KCNK7: variants seen among roughly 807,000 people sequenced by gnomAD.
KCNK7 encodes potassium two pore domain channel subfamily K member 7.
In KCNK7, 14 loss-of-function variants were observed where a neutral mutation model predicts 18.1. The ratio of observed to expected loss-of-function variants is 0.77; its 90% CI spans 0.51 to 1.21. The LOEUF is 1.21. Ranked by LOEUF, KCNK7 falls within the 50% of genes most tolerant of loss-of-function variation. The probability of loss-of-function intolerance (pLI) is 0.00; values close to 1 mark genes in which losing one functional copy is unlikely to be tolerated. For synonymous variants in KCNK7, 188 were observed against 184.7 expected (o/e 1.02, Z -0.15); for missense variants, 385 against 387.3 (o/e 0.99, Z 0.05).
intron 1 of KCNK7, among the ~76,000 whole-genome samples, chr11:65,594,737 G>A (rs757378814): frequency 5.3e-5 from 8 of 152,168 alleles, no homozygotes; most frequent in Non-Finnish European, 8.8e-5. Flanking sequence ...GGGCATGGTG[G>A]TGCATGCCTG....
chr11:65,593,609 G>A lies in KCNK7; in HGVS notation c.585C>T (p.Gly195=), dbSNP rs374293577. Residue 195 remains glycine, a synonymous_variant, in exon 2 of 3, where the codon GGC becomes GGT. Transcript: ENST00000340313. ...LPALVLWGLQ[G]DCSLLGAVYF... ...AGACGGCCCCCAGCAGGCTGCAGTC[G>A]CCCTGAAGGCCCCACAGCACCAGCG... The A allele has an allele frequency of 2.0e-4, 320 of 1,604,910 alleles. No individual in the cohort carries two copies. The highest frequency in any genetic ancestry group is 2.6e-4 in the Non-Finnish European group (310 of 1,179,702).
In KCNK7 at chr11:65,593,427, A is replaced by G. The variant is rs756452029; in HGVS notation, c.718+49T>C. 7 of 1,613,752 alleles carry G rather than the reference A, an allele frequency of 4.3e-6. No individual in the cohort carries two copies. The Admixed American group carries it at 1.0e-4, about 23-fold the overall frequency. ...CAGTGATTTATGGGAGTCCTAGTCCAGGCTCCTCTTCCCCCTTCCCCCACA... is the reference window on the plus strand; with the variant it reads ...CAGTGATTTATGGGAGTCCTAGTCCGGGCTCCTCTTCCCCCTTCCCCCACA... On this transcript the variant is annotated intron_variant, in intron 2 of 2. Transcript: ENST00000340313.
Position 65,593,100 on chromosome 11 carries a change from C to A in KCNK7, c.829G>T (p.Ala277Ser), listed in dbSNP as rs376025958. 44 of 1,613,776 alleles carry A rather than the reference C, an allele frequency of 2.7e-5. No homozygotes were observed. Among genetic ancestry groups the A allele is most frequent in the Non-Finnish European group, 3.5e-5 (41 of 1,179,962 alleles). The change falls in exon 3 of 3, where the codon GCT becomes TCT. Residue 277 changes from alanine to serine, a missense_variant. Ala to Ser is a moderately conservative substitution (Grantham distance 99). Coordinates refer to ENST00000340313, the MANE Select transcript of KCNK7 (RefSeq NM_033347.2). The part of the protein sequence containing the change: ...KFFRPSGPVT[A>S]EDQGGILGQD... ...CCTAGGATGCCACCTTGGTCCTCAG[C>A]AGTCACAGGACCACTGGGTCTGAAG...
Position 65,595,576 on chromosome 11 carries a change from A to G in KCNK7, c.197T>C (p.Leu66Pro). 6.3e-7 allele frequency: 1 copy of G among 1,592,282 alleles called. No individual in the cohort carries two copies. The highest frequency in any genetic ancestry group is 8.6e-7 in the Non-Finnish European group (1 of 1,165,810). The change falls in exon 1 of 3, where the codon CTG becomes CCG. Residue 66 changes from leucine (L) to proline (P), a missense_variant. Physicochemically the swap from Leu to Pro is moderately conservative, Grantham distance 98 (BLOSUM62 -3). Coordinates refer to ENST00000340313, the MANE Select transcript of KCNK7 (RefSeq NM_033347.2). ...ACLPPGALEELLGTALATQAH... is the reference protein window; with the variant it reads ...ACLPPGALEEPLGTALATQAH... ...CTGGGTGGCCAGGGCAGTGCCCAGCAGCTCTTCCAGAGCTCCGGGTGGCAG... is the reference window on the plus strand; with the variant it reads ...CTGGGTGGCCAGGGCAGTGCCCAGCGGCTCTTCCAGAGCTCCGGGTGGCAG...
chr11:65,595,403 C>CCATG, intron 1 of KCNK7, 51 bp downstream of exon 1: 1 of 1,365,914 alleles, frequency 7.3e-7, no homozygotes, highest in Non-Finnish European at 9.6e-7. Flanking sequence ...CCCCAGGGAG[C>CCATG]CATGGCCTCT....
intron 2 of KCNK7, 96 bp downstream of exon 2, chr11:65,593,380 C>T (rs1179439315): frequency 1.2e-6 from 2 of 1,613,858 alleles, no homozygotes; most frequent in Middle Eastern, 1.6e-4. Context: ...TGAGGTCCCT[C>T]CACCTGCAAG....
Position 65,593,619 on chromosome 11 carries a change from C to G in KCNK7, c.575G>C (p.Gly192Ala). The change falls in exon 2 of 3, where the codon GGC becomes GCC. Residue 192 changes from glycine (G) to alanine (A), a missense_variant. Coordinates refer to ENST00000340313, the MANE Select transcript of KCNK7 (RefSeq NM_033347.2). ...CAGCAGGCTGCAGTCGCCCTGAAGG[C>G]CCCACAGCACCAGCGCTGGCAGCAG... Reference protein sequence around the residue: ...FVLLPALVLWGLQGDCSLLGA... With the variant: ...FVLLPALVLWALQGDCSLLGA... 1 of 1,604,946 alleles carries G rather than the reference C, an allele frequency of 6.2e-7. No homozygotes were observed. Among genetic ancestry groups the G allele is most frequent in the South Asian group, 1.1e-5 (1 of 91,040 alleles).
At position 65,593,786 on chromosome 11, in the gene KCNK7, G is replaced by C. The variant is rs1401889123; in HGVS notation, c.408C>G (p.Leu136=). ...GCAGGCAATGGCGCAGGGTGGCCAC[G>C]AGAGCTAAGGAGGCTGGCAGCCCCA... ...AALGLPASLA[L]VATLRHCLLP... Residue 136 remains leucine (L), a synonymous_variant, in exon 2 of 3, where the codon CTC becomes CTG. Coordinates refer to ENST00000340313, the MANE Select transcript of KCNK7 (RefSeq NM_033347.2). 6.2e-7 allele frequency: 1 copy of C among 1,607,844 alleles called. No individual in the cohort carries two copies. The highest frequency in any genetic ancestry group is 1.7e-5 in the Admixed American group (1 of 59,724).
rs373233713 is a variant in KCNK7 at position 65,595,548 on chromosome 11, G to C, written c.225C>G (p.Ala75=). The C allele has an allele frequency of 1.5e-4, 231 of 1,583,266 alleles. 1 individual carries two copies. In the Middle Eastern group the frequency reaches 3.5e-3, roughly 24 times the overall value. The change falls in exon 1 of 3, where the codon GCC becomes GCG. Residue 75 remains alanine, a synonymous_variant. Coordinates refer to ENST00000340313, the MANE Select transcript of KCNK7 (RefSeq NM_033347.2). ...ELLGTALATQ[A]HGVSTLGNSS... is the part of the protein sequence containing the mutation. ...TGTTGCCCAGGGTGGAGACCCCATGGGCCTGGGTGGCCAGGGCAGTGCCCA... is the reference window on the plus strand; with the variant it reads ...TGTTGCCCAGGGTGGAGACCCCATGCGCCTGGGTGGCCAGGGCAGTGCCCA...
chr11:65,595,111 T>C (rs956487491), intron 1 of KCNK7, among the ~76,000 whole-genome samples: 19 of 152,196 alleles, frequency 1.2e-4, no homozygotes, highest in Admixed American at 1.2e-3. Context: ...ATGGTCCTGA[T>C]CTGTCCTTCC....
rs146758154 is a variant in KCNK7, at chr11:65,594,261, C to T, written c.320-387G>A. On this transcript the variant is annotated intron_variant, in intron 1 of 2. Transcript: ENST00000340313. ...GGATCTGAATCAGCCCAGGCCCTGC[C>T]CCTTCTGGTGGGGGAGTCGGGCAGG... 6.7e-3 allele frequency among the ~76,000 whole-genome samples: 1,027 copies of T among 152,302 alleles called. 10 individuals are homozygous for T. The highest frequency in any genetic ancestry group is 0.014 in the Middle Eastern group (4 of 294).
At position 65,593,600 on chromosome 11, in the gene KCNK7, G is replaced by T; in HGVS notation, c.594C>A (p.Ser198Arg). The T allele has an allele frequency of 6.2e-7, 1 of 1,605,694 alleles. No individual in the cohort carries two copies. Among genetic ancestry groups the T allele is most frequent in the Non-Finnish European group, 8.5e-7 (1 of 1,179,834 alleles). The change falls in exon 2 of 3, where the codon AGC (serine) becomes AGA (arginine). Residue 198 changes from serine (S) to arginine (R), a missense_variant. Physicochemically the swap from Ser to Arg is moderately radical, Grantham distance 110 (BLOSUM62 -1). Coordinates refer to ENST00000340313, the MANE Select transcript of KCNK7 (RefSeq NM_033347.2). ...AGCAGAAGTAGACGGCCCCCAGCAG[G>T]CTGCAGTCGCCCTGAAGGCCCCACA... ...LVLWGLQGDC[S>R]LLGAVYFCFS...
chr11:65,593,258 C>T (rs764844882), intron 2 of KCNK7, 48 bp from the exon 3 acceptor site: 4 of 1,613,084 alleles, frequency 2.5e-6, no homozygotes, highest in East Asian at 4.5e-5. Context: ...TGGTGATGCT[C>T]CCCGCCCACC....
chr11:65,593,288 C>T, intron 2 of KCNK7, 78 bp from the exon 3 acceptor site: 1 of 1,613,512 alleles, frequency 6.2e-7, no homozygotes, highest in South Asian at 1.1e-5. Flanking sequence ...AGTGACTTGC[C>T]CTGGCAACTG....
chr11:65,593,940 A>C, intron 1 of KCNK7, 66 bp from the exon 2 acceptor site: 1 of 1,459,638 alleles, frequency 6.9e-7, no homozygotes, highest in Non-Finnish European at 9.0e-7. Flanking sequence ...GTCCCTGCCT[A>C]CCCCAATACT....
In KCNK7 at chr11:65,593,843, G is replaced by A. The variant is rs141055303; in HGVS notation, c.351C>T (p.Gly117=). 431 of 1,549,238 alleles carry A rather than the reference G, an allele frequency of 2.8e-4. 3 individuals are homozygous for A. The African/African-American group carries it at 5.1e-3, about 18-fold the overall frequency. ...GYGHMAPLSP[G]GKAFCMVYAA... The stretch of plus-strand genomic sequence containing the variant: ...CATAGACCATGCAGAAGGCCTTTCC[G>A]CCTGGCGATAGTGGGGCCATGTGGC... Residue 117 remains glycine, a synonymous_variant, in exon 2 of 3, where the codon GGC becomes GGT. Coordinates refer to ENST00000340313, the MANE Select transcript of KCNK7 (RefSeq NM_033347.2).
Position 65,595,740 on chromosome 11 carries a change from C to A in KCNK7, c.33G>T (p.Gly11=), listed in dbSNP as rs1223473767. Residue 11 remains glycine, a synonymous_variant, in exon 1 of 3, where the codon GGG becomes GGT. Transcript: ENST00000340313. Reference sequence around the variant, plus strand: ...CCAGCAAGTGGGCCACAACCAGGAGCCCGTATCGGGACCAGGGCCTTAGAC... The same window carrying A: ...CCAGCAAGTGGGCCACAACCAGGAGACCGTATCGGGACCAGGGCCTTAGAC... MGGLRPWSRY[G]LLVVAHLLAL... is the part of the protein sequence containing the mutation. 2 of 1,572,136 alleles carry A rather than the reference C, an allele frequency of 1.3e-6. No individual in the cohort carries two copies. The highest frequency in any genetic ancestry group is 1.3e-5 in the African/African-American group (1 of 74,266).
chr11:65,595,632 C>T lies in KCNK7; in HGVS notation c.141G>A (p.Leu47=). 1 of 1,604,224 alleles carries T rather than the reference C, an allele frequency of 6.2e-7. No individual in the cohort carries two copies. Among genetic ancestry groups the T allele is most frequent in the Admixed American group, 1.7e-5 (1 of 58,918 alleles). ...CRLQAELRAE[L]AAFQAEHRAC... is the part of the protein sequence containing the mutation. ...CCCTATGCTCTGCCTGGAAGGCTGC[C>T]AGCTCTGCCCTGAGCTCAGCCTGAA... Residue 47 remains leucine, a synonymous_variant, in exon 1 of 3, where the codon CTG becomes CTA. Coordinates refer to ENST00000340313, the MANE Select transcript of KCNK7 (RefSeq NM_033347.2).
chr11:65,594,843 C>T (rs185616893), intron 1 of KCNK7, among the ~76,000 whole-genome samples: 1 of 151,800 alleles, frequency 6.6e-6, no homozygotes, highest in African/African-American at 2.4e-5. Context: ...GCACCCCAGC[C>T]TGGGTGACAG....
Sources: gnomAD v4.1 joint callset for allele counts (sites outside exome capture counted in the v4.1 genomes callset) on GRCh38, gnomAD v4.1.1 for gene constraint, MANE v1.5 for transcripts, NCBI Gene and HGNC (gene_info 2026-07-23, HGNC 2026-07-21) for gene names.